Variants in DOCK3 observed in about 807,000 individuals in gnomAD.
DOCK3 encodes dedicator of cytokinesis 3.
A neutral mutation model predicts 265.6 loss-of-function variants in DOCK3; 60 were observed. The ratio of observed to expected loss-of-function variants is 0.23; its 90% CI spans 0.18 to 0.28. DOCK3 has a LOEUF of 0.28. DOCK3 is among the 10% of genes least tolerant of loss of function. The pLI, the probability that DOCK3 is intolerant of heterozygous loss-of-function variation, is 1.00. For missense variants in DOCK3, 1,981 were observed against 2,594.3 expected (o/e 0.76, Z 5.14); for synonymous variants, 881 against 938.0 (o/e 0.94, Z 1.11).
At chr3:50,901,598 G>T (rs966527114) in intron 4 of DOCK3, 69 of 452,394 alleles carry the variant, frequency 1.5e-4, no homozygotes, top group African/African-American at 1.2e-3. Flanking sequence ...GTCCCTGGTG[G>T]TGTAGGCACC....
At chr3:51,277,420 G>T (rs963438365) in intron 25 of DOCK3, among the ~76,000 whole-genome samples, 188 bp from the exon 26 acceptor site, 7 of 152,228 alleles carry the variant, frequency 4.6e-5, no homozygotes, top group African/African-American at 1.7e-4. Flanking sequence ...GGCAGCAGTG[G>T]CAGTTGTGCC....
chr3:51,079,010 A>G (rs1366660263), intron 7 of DOCK3, among the ~76,000 whole-genome samples: 3 of 152,252 alleles, frequency 2.0e-5, no homozygotes, highest in Non-Finnish European at 4.4e-5. Flanking sequence ...CTTAGGATTT[A>G]TATGTTAAAT....
At chr3:50,694,416 A>G (rs1348538320) in intron 1 of DOCK3, among the ~76,000 whole-genome samples, 2 of 152,238 alleles carry the variant, frequency 1.3e-5, no homozygotes, top group African/African-American at 4.8e-5. Flanking sequence ...AAATTCCAGA[A>G]AAGTGTATTT....
chr3:50,781,606 A>AT (rs1283274657), intron 2 of DOCK3, among the ~76,000 whole-genome samples: 1 of 151,858 alleles, frequency 6.6e-6, no homozygotes, highest in Non-Finnish European at 1.5e-5. Context: ...ATTTTTTTTA[A>AT]TTTGAAATAT....
At chr3:50,991,097 A>T (rs1426373210) in intron 5 of DOCK3, among the ~76,000 whole-genome samples, 1 of 152,178 alleles carries the variant, frequency 6.6e-6, no homozygotes, top group East Asian at 1.9e-4. Context: ...CTTACAAGAG[A>T]TCTTGAAAGG....
intron 22 of DOCK3, among the ~76,000 whole-genome samples, chr3:51,252,709 T>G (rs2079320241): frequency 6.6e-6 from 1 of 152,228 alleles, no homozygotes; most frequent in African/African-American, 2.4e-5. Flanking sequence ...TGCACATTGA[T>G]TTTGTATCCT....
intron 15 of DOCK3, among the ~76,000 whole-genome samples, chr3:51,226,540 T>A (rs1048846857): frequency 6.6e-6 from 1 of 152,172 alleles, no homozygotes; most frequent in Admixed American, 6.5e-5. Flanking sequence ...TAGAGGAGAA[T>A]GTTGAAATAG....
chr3:51,123,263 C>T (rs945259586), intron 9 of DOCK3, among the ~76,000 whole-genome samples: 1 of 152,184 alleles, frequency 6.6e-6, no homozygotes, highest in African/African-American at 2.4e-5. Flanking sequence ...AGTTTGACCT[C>T]TGAGATCTGT....
chr3:50,679,067 C>G (rs898895629), intron 1 of DOCK3, among the ~76,000 whole-genome samples: 1 of 152,226 alleles, frequency 6.6e-6, no homozygotes, highest in African/African-American at 2.4e-5. Context: ...CTCGCCTCGG[C>G]CTCCCGAAGT....
intron 32 of DOCK3, among the ~76,000 whole-genome samples, chr3:51,324,415 TAA>T (rs2083950550): frequency 6.6e-6 from 1 of 151,998 alleles, no homozygotes; most frequent in Admixed American, 6.6e-5. Context: ...CTCAAGGAAA[TAA>T]GAGAGGATAC....
chr3:51,113,576 A>T (rs2083610147), intron 9 of DOCK3, among the ~76,000 whole-genome samples: 2 of 152,164 alleles, frequency 1.3e-5, no homozygotes, highest in Admixed American at 6.6e-5. Context: ...TGGACTATAA[A>T]TCAGACAGAC....
chr3:51,274,490 A>T (rs181070927), intron 24 of DOCK3, among the ~76,000 whole-genome samples: 43 of 152,298 alleles, frequency 2.8e-4, no homozygotes, highest in African/African-American at 1.0e-3. Context: ...AAGAGATTTC[A>T]TTTGGGACCA....
intron 5 of DOCK3, among the ~76,000 whole-genome samples, chr3:51,003,679 T>TG: frequency 6.6e-6 from 1 of 152,358 alleles, no homozygotes; most frequent in Non-Finnish European, 1.5e-5. Context: ...TCCTATTTCT[T>TG]GATACAATAA....
intron 5 of DOCK3, among the ~76,000 whole-genome samples, chr3:50,978,402 C>T (rs907467940): frequency 5.7e-5 from 4 of 69,738 alleles, no homozygotes; most frequent in Non-Finnish European, 1.7e-4. Context: ...AGTACCCTGC[C>T]GTGTGAGGTG....
chr3:50,805,529 G>A (rs1256633900), intron 2 of DOCK3, among the ~76,000 whole-genome samples: 1 of 152,202 alleles, frequency 6.6e-6, no homozygotes, highest in Non-Finnish European at 1.5e-5. Flanking sequence ...GGCCCAGGAT[G>A]CAGGCACACC....
intron 1 of DOCK3, among the ~76,000 whole-genome samples, chr3:50,715,265 A>G (rs916882042): frequency 5.3e-5 from 8 of 152,226 alleles, no homozygotes; most frequent in African/African-American, 1.9e-4. Flanking sequence ...ATGAGTAGGT[A>G]GGCCAGGCGT....
chr3:51,362,662 T>A lies in DOCK3; in HGVS notation c.5281T>A (p.Ser1761Thr), dbSNP rs2086821107. ...APSQMITSAP[S>T]SARGSPSLPD... Reference sequence around the variant, plus strand: ...ATCCCAGATGATTACCTCTGCCCCTTCCAGTGCCCGAGGTAAGGATGGCAG... The same window carrying A: ...ATCCCAGATGATTACCTCTGCCCCTACCAGTGCCCGAGGTAAGGATGGCAG... Residue 1761 changes from serine (S) to threonine (T), a missense_variant, in exon 49 of 53, where the codon TCC becomes ACC. Ser to Thr is a moderately conservative substitution (Grantham distance 58). This residue lies in a region of DOCK3 where 1,357 missense variants were observed against 1,866.8 expected (regional missense o/e 0.73). Transcript: ENST00000266037. 1 of 1,613,560 alleles carries A rather than the reference T, an allele frequency of 6.2e-7. No individual in the cohort carries two copies. The highest frequency in any genetic ancestry group is 1.3e-5 in the African/African-American group (1 of 75,042).
chr3:50,783,183 G>T (rs1466504561), intron 2 of DOCK3, among the ~76,000 whole-genome samples: 2 of 152,046 alleles, frequency 1.3e-5, no homozygotes, highest in Non-Finnish European at 2.9e-5. Flanking sequence ...TTTCCTCTGG[G>T]TAGATATCCA....
At chr3:50,864,928 T>C (rs2047073306) in intron 3 of DOCK3, among the ~76,000 whole-genome samples, 1 of 152,112 alleles carries the variant, frequency 6.6e-6, no homozygotes, top group South Asian at 2.1e-4. Flanking sequence ...TGGGGTCTTT[T>C]GTGGTTCCAC....
Sources: allele counts gnomAD v4.1 joint callset (sites outside exome capture counted in the v4.1 genomes callset), GRCh38; gene constraint gnomAD v4.1.1; regional missense constraint gnomAD v4.1.1; transcripts MANE v1.5; gene names NCBI Gene and HGNC (gene_info 2026-07-23, HGNC 2026-07-21).